The following ADRA1A variants were observed in gnomAD, a reference collection of about 807,000 sequenced individuals.
The protein encoded by ADRA1A is adrenoceptor alpha 1A.
Under a neutral mutation model 29.6 loss-of-function variants are expected in ADRA1A, and 31 were observed. That is an observed-to-expected ratio of 1.05 (90% confidence interval 0.79 to 1.41). ADRA1A has a LOEUF of 1.41. Among genes scored for constraint, ADRA1A ranks in the 40% most tolerant of loss-of-function variants. The pLI is 0.00. For missense variants in ADRA1A, 619 were observed against 601.1 expected, an observed-to-expected ratio of 1.03 and a Z score of -0.31; for synonymous variants, 311 against 254.3, an observed-to-expected ratio of 1.22 and a Z score of -2.12.
At chr8:26,857,030 G>A (rs1021574368) in intron 2 of ADRA1A, among the ~76,000 whole-genome samples, 1 of 152,232 alleles carries the variant, frequency 6.6e-6, no homozygotes, top group Admixed American at 6.5e-5. Flanking sequence ...CAAGAGATGA[G>A]TCTGTCTCGC....
chr8:26,814,375 T>C (rs1809621222), intron 2 of ADRA1A, among the ~76,000 whole-genome samples: 1 of 152,142 alleles, frequency 6.6e-6, no homozygotes, highest in Non-Finnish European at 1.5e-5. Flanking sequence ...TCCTGAGTAG[T>C]AGGGACTGCA....
In ADRA1A at chr8:26,769,215, A is replaced by G. The variant is rs966321699; in HGVS notation, c.*934T>C. The G allele has an allele frequency of 4.1e-6, 4 of 985,302 alleles. No individual in the cohort carries two copies. In the African/African-American group the frequency reaches 7.0e-5, roughly 17 times the overall value. The allele number at this position is 985,302 out of a possible 1,614,324, so 61.0% of individuals were successfully genotyped here. A position where few individuals can be genotyped will look rare whatever the true frequency, so the allele number is the denominator to read the frequency against. Reference sequence around the variant, plus strand: ...TGGAACAGGTAAGTGATTTGTCAAGAAAGGCTTTTGTAAGCCATGTTGAAA... The same window carrying G: ...TGGAACAGGTAAGTGATTTGTCAAGGAAGGCTTTTGTAAGCCATGTTGAAA... On this transcript the variant is annotated 3_prime_UTR_variant, in exon 3 of 3. Transcript: ENST00000380573.
intron 2 of ADRA1A, among the ~76,000 whole-genome samples, chr8:26,789,359 C>CT (rs1585694071): frequency 6.6e-6 from 1 of 152,042 alleles, no homozygotes; most frequent in East Asian, 1.9e-4. Flanking sequence ...TCAATCCATG[C>CT]ATTTGCAGCT....
At chr8:26,759,923 T>G (rs1048835416) in intron 2 of ADRA1A, among the ~76,000 whole-genome samples, 6 of 152,220 alleles carry the variant, frequency 3.9e-5, no homozygotes, top group African/African-American at 1.2e-4. Flanking sequence ...TAGATTGGAC[T>G]GAAGCTGGTG....
chr8:26,765,805 CA>C (rs1805744527), downstream of ADRA1A: 1 of 1,323,460 alleles, frequency 7.6e-7, no homozygotes, highest in African/African-American at 1.5e-5. Context: ...AGACCAGCCC[CA>C]GAAGCAATTG....
chr8:26,817,501 G>A (rs148072676), intron 2 of ADRA1A, among the ~76,000 whole-genome samples: 267 of 152,264 alleles, frequency 1.8e-3, no homozygotes, highest in African/African-American at 6.0e-3. Context: ...CATACGAGCC[G>A]GGCACTGTGG....
At chr8:26,749,282 A>C (rs1451079880) in intron 2 of ADRA1A, among the ~76,000 whole-genome samples, 3 of 152,234 alleles carry the variant, frequency 2.0e-5, no homozygotes, top group Admixed American at 1.3e-4. Context: ...TAAGATAATC[A>C]GGGGCTGATG....
intron 2 of ADRA1A, among the ~76,000 whole-genome samples, chr8:26,771,443 C>T (rs1806135962): frequency 6.6e-6 from 1 of 152,130 alleles, no homozygotes; most frequent in Admixed American, 6.5e-5. Context: ...CAAGTTGGGC[C>T]ACTGTGTCCT....
rs1256300248 is a variant in ADRA1A, at chr8:26,864,630, T to A, written c.340A>T (p.Ile114Phe). 1 of 1,613,976 alleles carries A rather than the reference T, an allele frequency of 6.2e-7. No individual in the cohort carries two copies. The highest frequency in any genetic ancestry group is 1.7e-5 in the Admixed American group (1 of 60,004). ...AVDVLCCTAS[I>F]MGLCIISIDR... ...ATGGAGATGATGCAGAGGCCCATGA[T>A]GGACGCGGTGCAGCACAGCACATCC... The change falls in exon 2 of 3, where the codon ATC (isoleucine) becomes TTC (phenylalanine). Residue 114 changes from isoleucine to phenylalanine, a missense_variant. Transcript: ENST00000380573. The surrounding 1 kb of genome is among the most constrained non-coding windows in gnomAD (Gnocchi z 8.1).
chr8:26,791,690 A>C (rs1316607230), intron 2 of ADRA1A, among the ~76,000 whole-genome samples: 2 of 152,216 alleles, frequency 1.3e-5, no homozygotes, highest in Non-Finnish European at 2.9e-5. Flanking sequence ...CAGCCATGCC[A>C]AAGTGCTTTT....
intron 2 of ADRA1A, among the ~76,000 whole-genome samples, chr8:26,816,358 A>C (rs1049852270): frequency 1.3e-5 from 2 of 152,012 alleles, no homozygotes; most frequent in African/African-American, 4.8e-5. Context: ...TCACTGAGGG[A>C]CTCCTCTCCT....
chr8:26,793,678 A>G (rs1425532965), intron 2 of ADRA1A, among the ~76,000 whole-genome samples: 1 of 152,028 alleles, frequency 6.6e-6, no homozygotes, highest in African/African-American at 2.4e-5. Context: ...AGCAATTTCA[A>G]GTAAAAAACC....
Position 26,840,792 on chromosome 8 carries a change from C to A in ADRA1A, c.883+23295G>T, listed in dbSNP as rs61762867. ...TGGATACTTTGAAAGAGTTGCTAAGCATTTTTGTCCCCTATGGAGGCTGGG... is the reference window on the plus strand; with the variant it reads ...TGGATACTTTGAAAGAGTTGCTAAGAATTTTTGTCCCCTATGGAGGCTGGG... On this transcript the variant is annotated intron_variant, in intron 2 of 2. Coordinates refer to ENST00000380573, the MANE Select transcript of ADRA1A (RefSeq NM_000680.4). 3.8e-4 allele frequency among the ~76,000 whole-genome samples: 58 copies of A among 152,254 alleles called. 1 individual carries two copies. Among genetic ancestry groups the A allele is most frequent in the Admixed American group, 1.5e-3 (23 of 15,300 alleles).
rs753637648 is a variant in ADRA1A at position 26,770,343 on chromosome 8, T to C, written c.1207A>G (p.Met403Val). The change falls in exon 3 of 3, where the codon ATG becomes GTG. Residue 403 changes from methionine to valine, a missense_variant. By Grantham distance (21) the Met-to-Val change is conservative. Transcript: ENST00000380573. ...GTAATCCTGGCAGATCCACGGGGCA[T>C]GGAAGAGAAAAATTTCCATTCACAA... The part of the protein sequence containing the change: ...GVCEWKFFSS[M>V]PRGSARITVS... The C allele has an allele frequency of 1.2e-5, 20 of 1,614,192 alleles. No individual in the cohort carries two copies. Among genetic ancestry groups the C allele is most frequent in the Admixed American group, 1.7e-5 (1 of 60,032 alleles).
At chr8:26,759,859 A>C (rs1286514093) in intron 2 of ADRA1A, among the ~76,000 whole-genome samples, 2 of 152,364 alleles carry the variant, frequency 1.3e-5, no homozygotes, top group East Asian at 3.9e-4. Flanking sequence ...GCTTGAAAAG[A>C]CAGAATACTT....
rs1208785661 is a variant in ADRA1A, at chr8:26,841,863, T to A, written c.883+22224A>T. On this transcript the variant is annotated intron_variant, in intron 2 of 2. Transcript: ENST00000380573. This position sits in a 1 kb window ranked among gnomAD's most constrained non-coding sequence, Gnocchi z 4.4. ...CATTTGATATTGGCGCCACTTTCTC[T>A]TCACTAAAATTCTCTCTTCTTTTTG... Among the ~76,000 whole-genome samples the A allele has an allele frequency of 6.6e-6, 1 of 152,196 alleles. No homozygotes were observed. The highest frequency in any genetic ancestry group is 2.4e-5 in the African/African-American group (1 of 41,448).
At position 26,769,443 on chromosome 8, in the gene ADRA1A, T is replaced by G; in HGVS notation, c.*706A>C. 5.1e-6 allele frequency: 5 copies of G among 985,424 alleles called. No individual in the cohort carries two copies. Among genetic ancestry groups the G allele is most frequent in the Non-Finnish European group, 6.0e-6 (5 of 829,928 alleles). 61.0% of individuals were successfully genotyped at this position (985,424 alleles called of 1,614,324 possible). On this transcript the variant is annotated 3_prime_UTR_variant, in exon 3 of 3. Transcript: ENST00000380573. ...CTTGGGAAAAGCCATACCACCCTGG[T>G]TGGTTCTTTCAACCCTCTCCTGACC...
Position 26,864,637 on chromosome 8 carries a change from G to C in ADRA1A, c.333C>G (p.Thr111=). ...TGATGCAGAGGCCCATGATGGACGC[G>C]GTGCAGCACAGCACATCCACTGCCG... is the stretch of plus-strand genomic sequence containing the variant. ...IWAAVDVLCC[T]ASIMGLCIIS... Residue 111 remains threonine (T), a synonymous_variant, in exon 2 of 3, where the codon ACC becomes ACG. Transcript: ENST00000380573. This position sits in a 1 kb window ranked among gnomAD's most constrained non-coding sequence, Gnocchi z 8.1. The C allele has an allele frequency of 6.2e-7, 1 of 1,614,112 alleles. No individual in the cohort carries two copies. Among genetic ancestry groups the C allele is most frequent in the Non-Finnish European group, 8.5e-7 (1 of 1,180,018 alleles).
chr8:26,765,048 C>T (rs998712396), downstream of ADRA1A, among the ~76,000 whole-genome samples: 18 of 152,182 alleles, frequency 1.2e-4, no homozygotes, highest in African/African-American at 4.3e-4. Context: ...AATGAATAAG[C>T]CACAATCTTT....
Sources: allele counts gnomAD v4.1 joint callset (sites outside exome capture counted in the v4.1 genomes callset), GRCh38; gene constraint gnomAD v4.1.1; non-coding constraint Gnocchi (gnomAD v3.1); transcripts MANE v1.5; gene names NCBI Gene and HGNC (gene_info 2026-07-23, HGNC 2026-07-21).